Variants in PDE10A observed in about 807,000 individuals in gnomAD.
PDE10A encodes phosphodiesterase 10A, also known as cAMP and cAMP-inhibited cGMP 3',5'-cyclic phosphodiesterase 10A.
Under a neutral mutation model 97.7 loss-of-function variants are expected in PDE10A, and 39 were observed. That is an observed-to-expected ratio of 0.40 (90% CI 0.31 to 0.52). The LOEUF is 0.52. Among genes scored for constraint, PDE10A ranks in the 20% least tolerant of loss-of-function variants. PDE10A has a pLI of 0.56. For missense variants in PDE10A, 731 were observed against 1,047.8 expected (o/e 0.70, Z 4.17); for synonymous variants, 371 against 376.8 (o/e 0.98, Z 0.18).
chr6:165,755,092 G>GC lies in PDE10A; in HGVS notation c.-614-211525_-614-211524insG, dbSNP rs1554316899. Reference sequence around the variant, plus strand: ...GAGGGACACACTCTTAAGCTTCTCTGACACACCTTCTCTGAAGATGGACTT... The same window carrying GC: ...GAGGGACACACTCTTAAGCTTCTCTGCACACACCTTCTCTGAAGATGGACTT... On this transcript the variant is annotated intron_variant, in intron 1 of 19. Transcript: ENST00000366882. Among the ~76,000 whole-genome samples, 5 of 152,124 alleles carry GC rather than the reference G, an allele frequency of 3.3e-5. 1 individual carries two copies. In the South Asian group the frequency reaches 1.0e-3, roughly 31 times the overall value.
intron 2 of PDE10A, among the ~76,000 whole-genome samples, chr6:165,502,988 T>C (rs1021778694): frequency 2.6e-5 from 4 of 152,196 alleles, no homozygotes; most frequent in Admixed American, 6.5e-5. Flanking sequence ...ATCAGATTTA[T>C]TGTATGTAAA....
intron 1 of PDE10A, among the ~76,000 whole-genome samples, chr6:165,764,611 G>C (rs981896693): frequency 1.3e-5 from 2 of 152,066 alleles, no homozygotes; most frequent in African/African-American, 4.8e-5. Context: ...GCAGACCTTC[G>C]CAGTGAGTGT....
At chr6:165,920,333 C>G (rs1782719893) in intron 1 of PDE10A, among the ~76,000 whole-genome samples, 1 of 152,332 alleles carries the variant, frequency 6.6e-6, no homozygotes, top group South Asian at 2.1e-4. Flanking sequence ...TACACTTTAT[C>G]TACCTTCACT....
At chr6:165,973,198 C>T (rs775506621) in intron 1 of PDE10A, among the ~76,000 whole-genome samples, 1 of 152,248 alleles carries the variant, frequency 6.6e-6, no homozygotes, top group South Asian at 2.1e-4. Flanking sequence ...GCTGGCAGAT[C>T]ACATGAGGTC....
intron 3 of PDE10A, among the ~76,000 whole-genome samples, chr6:165,478,204 A>G (rs758292526): frequency 8.5e-5 from 13 of 152,242 alleles, no homozygotes; most frequent in Non-Finnish European, 1.8e-4. Context: ...AGTTTTCTGC[A>G]TAACAGTAAG....
intron 1 of PDE10A, among the ~76,000 whole-genome samples, chr6:165,942,669 C>G (rs1783569791): frequency 6.6e-6 from 1 of 152,182 alleles, no homozygotes; most frequent in Non-Finnish European, 1.5e-5. Context: ...TGGACCTCTT[C>G]TTGGGAAAAG....
chr6:165,719,302 C>T (rs1003349078), intron 1 of PDE10A, among the ~76,000 whole-genome samples: 3 of 152,174 alleles, frequency 2.0e-5, no homozygotes, highest in Non-Finnish European at 4.4e-5. Context: ...AGGAACGTTC[C>T]TGTGAAGCTC....
intron 1 of PDE10A, among the ~76,000 whole-genome samples, chr6:165,767,189 C>T (rs552487707): frequency 4.6e-5 from 7 of 151,732 alleles, no homozygotes; most frequent in East Asian, 1.9e-4. Flanking sequence ...CAGGTGGCAC[C>T]GAAAAAAAGT....
chr6:165,581,091 G>A (rs1785592343), intron 1 of PDE10A, among the ~76,000 whole-genome samples: 1 of 152,162 alleles, frequency 6.6e-6, no homozygotes, highest in Admixed American at 6.5e-5. Context: ...TGACACCATG[G>A]AGAAAATAAG....
At chr6:165,635,860 T>C (rs909340421) in intron 1 of PDE10A, among the ~76,000 whole-genome samples, 1 of 152,238 alleles carries the variant, frequency 6.6e-6, no homozygotes, top group African/African-American at 2.4e-5. Flanking sequence ...TCTTGTTTGA[T>C]AGAAACAGAA....
chr6:165,458,492 C>A (rs767294126), intron 3 of PDE10A, among the ~76,000 whole-genome samples: 1 of 152,160 alleles, frequency 6.6e-6, no homozygotes, highest in Non-Finnish European at 1.5e-5. Context: ...TTGAACTTCA[C>A]AGCTTCCAGA....
chr6:165,915,956 A>T (rs980366729), intron 1 of PDE10A, among the ~76,000 whole-genome samples: 1 of 152,238 alleles, frequency 6.6e-6, no homozygotes, highest in African/African-American at 2.4e-5. Flanking sequence ...TGAATCCACC[A>T]GAAAAGGAAC....
At chr6:165,572,089 GA>G (rs1440247676) in intron 1 of PDE10A, among the ~76,000 whole-genome samples, 2 of 152,146 alleles carry the variant, frequency 1.3e-5, no homozygotes, top group African/African-American at 4.8e-5. Context: ...CCGCTTTCTT[GA>G]AAGTTTCATG....
At chr6:165,553,452 CTT>C (rs1784111608) in intron 1 of PDE10A, among the ~76,000 whole-genome samples, 1 of 152,106 alleles carries the variant, frequency 6.6e-6, no homozygotes, top group Non-Finnish European at 1.5e-5. Context: ...AAACAAATGC[CTT>C]ATAATAACTA....
intron 1 of PDE10A, among the ~76,000 whole-genome samples, chr6:165,679,253 C>A (rs924146355): frequency 2.0e-5 from 3 of 152,196 alleles, no homozygotes; most frequent in African/African-American, 4.8e-5. Flanking sequence ...TATTTAAGAA[C>A]TAATGTCGGC....
intron 3 of PDE10A, among the ~76,000 whole-genome samples, chr6:165,450,717 T>C (rs555747911): frequency 3.9e-5 from 6 of 151,976 alleles, no homozygotes; most frequent in Non-Finnish European, 7.4e-5. Flanking sequence ...CACCACACCA[T>C]GCCTGGCTAA....
chr6:165,936,421 G>A (rs1443141098), intron 1 of PDE10A, among the ~76,000 whole-genome samples: 2 of 152,218 alleles, frequency 1.3e-5, no homozygotes, highest in Non-Finnish European at 2.9e-5. Flanking sequence ...AAGACAACAG[G>A]AGAAAATGTT....
chr6:165,833,167 GACACT>G (rs1259838044), intron 1 of PDE10A, among the ~76,000 whole-genome samples: 1 of 152,190 alleles, frequency 6.6e-6, no homozygotes, highest in African/African-American at 2.4e-5. Context: ...CTCTTCTCAG[GACACT>G]ACACAATGAA....
chr6:165,890,418 C>T (rs532382962), intron 1 of PDE10A, among the ~76,000 whole-genome samples: 7 of 152,194 alleles, frequency 4.6e-5, no homozygotes, highest in Admixed American at 2.0e-4. Flanking sequence ...CACTGTCTTC[C>T]GCGACAGTGG....
Sources: gnomAD v4.1 joint callset for allele counts (sites outside exome capture counted in the v4.1 genomes callset) on GRCh38, gnomAD v4.1.1 for gene constraint, MANE v1.5 for transcripts, NCBI Gene and HGNC (gene_info 2026-07-23, HGNC 2026-07-21) for gene names.